The following CSMD1 variants were observed in gnomAD, a reference collection of about 807,000 sequenced individuals.
CSMD1 encodes CUB and sushi domain-containing protein 1.
CSMD1 carries 213 observed loss-of-function variants against 417.5 expected under a neutral mutation model. The observed-to-expected ratio is 0.51, with a 90% CI of 0.46 to 0.57. The LOEUF (loss-of-function observed/expected upper bound fraction) is 0.57, where lower values mean the gene tolerates loss of function less well. Among genes scored for constraint, CSMD1 ranks in the 20% least tolerant of loss-of-function variants. CSMD1 has a pLI of 0.00. For synonymous variants in CSMD1, 2,862 were observed against 1,736.8 expected (o/e 1.65, Z -16.11); for missense variants, 6,923 against 4,529.7 (o/e 1.53, Z -15.17).
intron 3 of CSMD1, among the ~76,000 whole-genome samples, chr8:4,171,237 T>C (rs1168900948): frequency 6.6e-6 from 1 of 151,872 alleles, no homozygotes; most frequent in Non-Finnish European, 1.5e-5. Flanking sequence ...AGCTCAACCG[T>C]TCACTTGTCC....
chr8:4,245,099 C>A (rs759814753), intron 3 of CSMD1, among the ~76,000 whole-genome samples: 7 of 152,070 alleles, frequency 4.6e-5, no homozygotes, highest in African/African-American at 1.7e-4. Context: ...GAATAACGAC[C>A]CTCAAGATTT....
chr8:3,493,816 A>T, intron 10 of CSMD1, 90 bp from the exon 11 acceptor site: 1 of 1,121,904 alleles, frequency 8.9e-7, no homozygotes. Flanking sequence ...TATACTGTTA[A>T]ATTTTGCTCC....
At chr8:4,313,258 C>G (rs192073845) in intron 3 of CSMD1, among the ~76,000 whole-genome samples, 2 of 152,176 alleles carry the variant, frequency 1.3e-5, no homozygotes, top group African/African-American at 4.8e-5. Flanking sequence ...TTTTCAGTCA[C>G]TTTCCTCTAG....
intron 3 of CSMD1, among the ~76,000 whole-genome samples, chr8:4,135,473 A>G (rs941425605): frequency 1.3e-5 from 2 of 152,150 alleles, no homozygotes; most frequent in Non-Finnish European, 2.9e-5. Context: ...AATATAACTT[A>G]CACACTAAAT....
chr8:4,294,847 TA>T (rs1211945762), intron 3 of CSMD1, among the ~76,000 whole-genome samples: 1 of 151,932 alleles, frequency 6.6e-6, no homozygotes, highest in East Asian at 1.9e-4. Flanking sequence ...TTTCCTAAAA[TA>T]ATTCCAGAAA....
intron 1 of CSMD1, among the ~76,000 whole-genome samples, chr8:4,794,634 G>T (rs1289033742): frequency 6.6e-6 from 1 of 152,072 alleles, no homozygotes; most frequent in South Asian, 2.1e-4. Context: ...CCATAGTCAG[G>T]AACCTCCCCA....
intron 1 of CSMD1, among the ~76,000 whole-genome samples, chr8:4,866,835 T>C (rs1802448201): frequency 6.6e-6 from 1 of 152,054 alleles, no homozygotes; most frequent in Non-Finnish European, 1.5e-5. Flanking sequence ...TTCATGATTT[T>C]TAAAAATTAT....
At chr8:3,700,772 CAA>C (rs1272960669) in intron 7 of CSMD1, 1 of 152,242 alleles carries the variant, frequency 6.6e-6, no homozygotes, top group African/African-American at 2.4e-5. Flanking sequence ...GCCCAGAAAC[CAA>C]GAGGACCAGG....
intron 3 of CSMD1, among the ~76,000 whole-genome samples, chr8:4,347,757 CA>C (rs1800856346): frequency 6.6e-6 from 1 of 151,900 alleles, no homozygotes; most frequent in Non-Finnish European, 1.5e-5. Flanking sequence ...CATGTATTGC[CA>C]AGTTGTATTG....
At chr8:3,077,551 A>C (rs11136566) in intron 49 of CSMD1, among the ~76,000 whole-genome samples, 63,115 of 152,086 alleles carry the variant, frequency 0.41, 13,227 homozygotes, top group African/African-American at 0.44. Context: ...CCACCTCCAG[A>C]ACGTAGTAGT....
intron 3 of CSMD1, among the ~76,000 whole-genome samples, chr8:4,373,316 A>G (rs977025020): frequency 6.7e-6 from 1 of 149,326 alleles, no homozygotes; most frequent in Non-Finnish European, 1.5e-5. Flanking sequence ...GTAATAACCA[A>G]AGAAAGTATG....
At chr8:4,145,636 CA>C (rs1282895736) in intron 3 of CSMD1, among the ~76,000 whole-genome samples, 3 of 150,868 alleles carry the variant, frequency 2.0e-5, no homozygotes, top group Non-Finnish European at 4.4e-5. Flanking sequence ...CGATCCTGCC[CA>C]CTTGGCCTCT....
chr8:4,433,459 T>C (rs539937265), intron 2 of CSMD1, among the ~76,000 whole-genome samples: 7 of 152,226 alleles, frequency 4.6e-5, no homozygotes, highest in African/African-American at 1.7e-4. Flanking sequence ...CCCTGCGAGG[T>C]CAACGCACTG....
intron 1 of CSMD1, among the ~76,000 whole-genome samples, chr8:4,709,470 C>T (rs1243831524): frequency 2.0e-5 from 3 of 152,188 alleles, no homozygotes; most frequent in East Asian, 1.9e-4. Flanking sequence ...GTCCATAGGA[C>T]GTAAGGAACA....
rs1411362757 is a variant in CSMD1 at position 3,212,846 on chromosome 8, T to A, written c.4867+1651A>T. On this transcript the variant is annotated intron_variant, in intron 30 of 69. Transcript: ENST00000635120. Reference sequence around the variant, plus strand: ...TTCTTATATACTTTTTTTTTTTTTTTGAGAGAGAGTTTCACTCTTGTTGCC... The same window carrying A: ...TTCTTATATACTTTTTTTTTTTTTTAGAGAGAGAGTTTCACTCTTGTTGCC... 6.0e-5 allele frequency among the ~76,000 whole-genome samples: 9 copies of A among 150,530 alleles called. No homozygotes were observed. The East Asian group carries it at 9.7e-4, about 16-fold the overall frequency.
chr8:4,008,631 G>C (rs1394059187), intron 4 of CSMD1, among the ~76,000 whole-genome samples: 1 of 77,530 alleles, frequency 1.3e-5, no homozygotes, highest in Non-Finnish European at 2.3e-5. Context: ...TTTTTTTTGA[G>C]ACAGGGTCTC....
At chr8:3,242,507 G>C (rs911393423) in intron 26 of CSMD1, among the ~76,000 whole-genome samples, 1 of 152,094 alleles carries the variant, frequency 6.6e-6, no homozygotes, top group South Asian at 2.1e-4. Context: ...GAATTATTTA[G>C]ATCTTGCAGG....
chr8:4,625,097 C>A (rs1446982891), intron 2 of CSMD1, among the ~76,000 whole-genome samples: 4 of 152,048 alleles, frequency 2.6e-5, no homozygotes, highest in African/African-American at 7.2e-5. Flanking sequence ...ATGGGTCAAA[C>A]TAGGGTGCCA....
intron 3 of CSMD1, among the ~76,000 whole-genome samples, chr8:4,319,378 A>G (rs151275853): frequency 3.9e-4 from 59 of 152,246 alleles, no homozygotes; most frequent in African/African-American, 1.3e-3. Flanking sequence ...TCTTTGAAAT[A>G]CTGAGCCTCT....
Sources: gnomAD v4.1 joint callset for allele counts (sites outside exome capture counted in the v4.1 genomes callset) on GRCh38, gnomAD v4.1.1 for gene constraint, MANE v1.5 for transcripts, NCBI Gene and HGNC (gene_info 2026-07-23, HGNC 2026-07-21) for gene names.